Variants in PCDHGA3 observed in about 807,000 individuals in gnomAD.
PCDHGA3 encodes the protein protocadherin gamma subfamily A, 3, also known as protocadherin gamma-A3.
In PCDHGA3, 40 loss-of-function variants were observed where a neutral mutation model predicts 58.5. That is an observed-to-expected ratio of 0.68 (90% CI 0.53 to 0.89). The LOEUF is 0.89. Ranked by LOEUF, PCDHGA3 falls within the 40% of genes least tolerant of loss-of-function variation. PCDHGA3 has a pLI of 0.00. For synonymous variants in PCDHGA3, 530 were observed against 525.7 expected (o/e 1.01, Z -0.11); for missense variants, 1,223 against 1,195.9 (o/e 1.02, Z -0.33).
chr5:141,495,276 G>A (rs1350329744), intron 2 of PCDHGA3, among the ~76,000 whole-genome samples: 1 of 152,190 alleles, frequency 6.6e-6, no homozygotes, highest in East Asian at 1.9e-4. Flanking sequence ...GACCGGAGGA[G>A]GCGGTCCGCA....
intron 1 of PCDHGA3, chr5:141,415,156 A>T: frequency 6.2e-7 from 1 of 1,613,798 alleles, no homozygotes. Flanking sequence ...TCTCTCCGCC[A>T]CTGTCACGCT....
chr5:141,351,099 A>G (rs1291727909), intron 1 of PCDHGA3: 5 of 1,614,078 alleles, frequency 3.1e-6, no homozygotes, highest in Non-Finnish European at 3.4e-6. Context: ...GCCTTCCTCA[A>G]TTCCCCAATA....
chr5:141,362,677 G>T, intron 1 of PCDHGA3: 2 of 1,225,610 alleles, frequency 1.6e-6, no homozygotes, highest in Non-Finnish European at 1.1e-6. Context: ...TGCCTTAATT[G>T]TCTTAATCTT....
In PCDHGA3 at chr5:141,413,494, G is replaced by A. The variant is rs778441176; in HGVS notation, c.2424+67037G>A. The A allele has an allele frequency of 2.5e-5, 41 of 1,613,924 alleles. No homozygotes were observed. Among genetic ancestry groups the A allele is most frequent in the Non-Finnish European group, 3.1e-5 (37 of 1,179,948 alleles). On this transcript the variant is annotated intron_variant, in intron 1 of 3. Transcript: ENST00000253812. Reference sequence around the variant, plus strand: ...GCTCTGCGCTCAGAGCGCGCGGTGCGTGGTGAGTTTTAATATCCTTGTGGA... The same window carrying A: ...GCTCTGCGCTCAGAGCGCGCGGTGCATGGTGAGTTTTAATATCCTTGTGGA...
chr5:141,461,216 T>C (rs1050704259), intron 1 of PCDHGA3, among the ~76,000 whole-genome samples: 2 of 152,168 alleles, frequency 1.3e-5, no homozygotes, highest in African/African-American at 4.8e-5. Flanking sequence ...ATCTCCATAC[T>C]GTTTTCCATA....
intron 1 of PCDHGA3, chr5:141,408,948 T>C (rs768951087): frequency 6.2e-7 from 1 of 1,613,478 alleles, no homozygotes; most frequent in Non-Finnish European, 8.5e-7. Context: ...GAATATAGAA[T>C]TAGTCTTAGT....
At position 141,487,501 on chromosome 5, in the gene PCDHGA3, T is replaced by C. The variant is rs746285663; in HGVS notation, c.2425-7306T>C. 1.2e-6 allele frequency: 2 copies of C among 1,614,232 alleles called. No individual in the cohort carries two copies. The highest frequency in any genetic ancestry group is 3.3e-5 in the Admixed American group (2 of 60,028). ...ACTCTCATGGCTGTACACCCTTGGC[T>C]TCTGCACCCACTCGGAGTGATAGCT... On this transcript the variant is annotated intron_variant, in intron 1 of 3. Coordinates refer to ENST00000253812, the MANE Select transcript of PCDHGA3 (RefSeq NM_018916.4). The surrounding 1 kb of genome is among the most constrained non-coding windows in gnomAD (Gnocchi z 5.0).
chr5:141,361,247 C>A (rs745887185), intron 1 of PCDHGA3: 2 of 1,613,946 alleles, frequency 1.2e-6, no homozygotes, highest in South Asian at 1.1e-5. Context: ...TTGATAAAAA[C>A]GAGAGACAGA....
At chr5:141,399,372 T>C (rs1333971188) in intron 1 of PCDHGA3, 8 of 1,613,970 alleles carry the variant, frequency 5.0e-6, no homozygotes, top group Non-Finnish European at 6.8e-6. Flanking sequence ...CGGAGTACAA[T>C]GTCACCATCA....
rs1362252002 is a variant in PCDHGA3, at chr5:141,486,112, G to C, written c.2425-8695G>C. ...TGGGGCCCCTAGACTTTGAGAGTGA[G>C]AATTACTATGAATTTGATGTGCGGG... On this transcript the variant is annotated intron_variant, in intron 1 of 3. Coordinates refer to ENST00000253812, the MANE Select transcript of PCDHGA3 (RefSeq NM_018916.4). The surrounding 1 kb of genome is among the most constrained non-coding windows in gnomAD (Gnocchi z 5.0). 6 of 1,614,166 alleles carry C rather than the reference G, an allele frequency of 3.7e-6. No individual in the cohort carries two copies. The highest frequency in any genetic ancestry group is 1.7e-6 in the Non-Finnish European group (2 of 1,180,024).
intron 1 of PCDHGA3, chr5:141,361,109 G>C: frequency 1.2e-6 from 2 of 1,613,990 alleles, no homozygotes; most frequent in Non-Finnish European, 1.7e-6. Flanking sequence ...AAAGATCCTG[G>C]AGATCTAGCA....
At chr5:141,412,861 A>T (rs925106716) in intron 1 of PCDHGA3, 19 of 235,604 alleles carry the variant, frequency 8.1e-5, no homozygotes, top group African/African-American at 3.4e-4. Context: ...CAAAGAATCT[A>T]TGTAAAATAT....
rs113648128 is a variant in PCDHGA3, at chr5:141,491,811, C to T, written c.2425-2996C>T. ...CACTCCTCTCCGGCCGGCTTGGTCG[C>T]TGGCTGCGCTCCACCCGATTCTCGG... On this transcript the variant is annotated intron_variant, in intron 1 of 3. Transcript: ENST00000253812. The surrounding 1 kb of genome is among the most constrained non-coding windows in gnomAD (Gnocchi z 6.9). 6.7e-7 allele frequency: 1 copy of T among 1,487,262 alleles called. No homozygotes were observed. The highest frequency in any genetic ancestry group is 1.4e-5 in the African/African-American group (1 of 70,544). 92.1% of individuals were successfully genotyped at this position (1,487,262 alleles called of 1,614,324 possible).
At position 141,352,422 on chromosome 5, in the gene PCDHGA3, G is replaced by T. The variant is rs191134866; in HGVS notation, c.2424+5965G>T. Reference sequence around the variant, plus strand: ...CGTTCCTCCAGCCTCGACACTGAGGGCTGCTTTCAAACCGGTCTCTGCTCC... The same window carrying T: ...CGTTCCTCCAGCCTCGACACTGAGGTCTGCTTTCAAACCGGTCTCTGCTCC... On this transcript the variant is annotated intron_variant, in intron 1 of 3. Coordinates refer to ENST00000253812, the MANE Select transcript of PCDHGA3 (RefSeq NM_018916.4). 2.1e-4 allele frequency: 340 copies of T among 1,614,054 alleles called. 1 individual carries two copies. The African/African-American group carries it at 3.3e-3, about 16-fold the overall frequency.
chr5:141,383,512 G>A (rs755956919), intron 1 of PCDHGA3: 4 of 1,612,576 alleles, frequency 2.5e-6, no homozygotes, highest in Non-Finnish European at 2.5e-6. Context: ...CCGGGAGGAA[G>A]AGCGGGTTCA....
chr5:141,353,305 GTATT>G (rs1179034310), intron 1 of PCDHGA3, among the ~76,000 whole-genome samples: 1 of 152,084 alleles, frequency 6.6e-6, no homozygotes, highest in Admixed American at 6.5e-5. Context: ...CTTTATAAAT[GTATT>G]TAGAGTTCTT....
intron 1 of PCDHGA3, chr5:141,362,185 C>G: frequency 6.2e-7 from 1 of 1,614,022 alleles, no homozygotes. Context: ...GCCCTCTGAC[C>G]CCCAGGCAAA....
At chr5:141,375,688 C>T in intron 1 of PCDHGA3, 1 of 1,614,256 alleles carries the variant, frequency 6.2e-7, no homozygotes, top group Non-Finnish European at 8.5e-7. Context: ...TGACAGCCAG[C>T]GACAGCGGGG....
intron 2 of PCDHGA3, among the ~76,000 whole-genome samples, chr5:141,496,347 T>C (rs1168306693): frequency 6.6e-6 from 1 of 152,198 alleles, no homozygotes; most frequent in Non-Finnish European, 1.5e-5. Context: ...TGGAGGAGTC[T>C]CAGAGCCCAG....
Sources: allele counts gnomAD v4.1 joint callset (sites outside exome capture counted in the v4.1 genomes callset), GRCh38; gene constraint gnomAD v4.1.1; non-coding constraint Gnocchi (gnomAD v3.1); transcripts MANE v1.5; gene names NCBI Gene and HGNC (gene_info 2026-07-23, HGNC 2026-07-21).